The following ZMYM4 variants were observed in gnomAD, a reference collection of about 807,000 sequenced individuals.
ZMYM4 encodes zinc finger MYM-type protein 4.
ZMYM4 carries 31 observed loss-of-function variants against 183.2 expected under a neutral mutation model. That is an observed-to-expected ratio of 0.17 (90% CI 0.13 to 0.23). The LOEUF (loss-of-function observed/expected upper bound fraction) is 0.23, where lower values mean the gene tolerates loss of function less well. Ranked by LOEUF, ZMYM4 falls within the 10% of genes least tolerant of loss-of-function variation. The pLI, the probability that ZMYM4 is intolerant of heterozygous loss-of-function variation, is 1.00. For synonymous variants in ZMYM4, 592 were observed against 631.2 expected (o/e 0.94, Z 0.93); for missense variants, 1,273 against 1,840.3 (o/e 0.69, Z 5.64).
chr1:35,302,975 C>T (rs1464580242), intron 1 of ZMYM4, among the ~76,000 whole-genome samples: 2 of 108,488 alleles, frequency 1.8e-5, no homozygotes, highest in African/African-American at 7.0e-5. Context: ...ACACTGTCTC[C>T]AAAAAAAAAA....
At chr1:35,272,106 C>G (rs932857244) in intron 1 of ZMYM4, among the ~76,000 whole-genome samples, 1 of 152,078 alleles carries the variant, frequency 6.6e-6, no homozygotes, top group Non-Finnish European at 1.5e-5. Flanking sequence ...TGCCAAATTA[C>G]ATGTGGATTC....
chr1:35,325,955 A>G (rs1642484619), intron 2 of ZMYM4, among the ~76,000 whole-genome samples: 1 of 152,168 alleles, frequency 6.6e-6, no homozygotes, highest in Non-Finnish European at 1.5e-5. Flanking sequence ...ATATGTGTGT[A>G]GGAATCATAG....
chr1:35,341,679 C>A (rs1643205824), intron 2 of ZMYM4, among the ~76,000 whole-genome samples: 1 of 151,432 alleles, frequency 6.6e-6, no homozygotes, highest in Non-Finnish European at 1.5e-5. Context: ...TTCTTTTTTC[C>A]AGCTTCTTCA....
chr1:35,397,320 C>T, intron 19 of ZMYM4, 57 bp from the exon 20 acceptor site: 7 of 1,438,394 alleles, frequency 4.9e-6, no homozygotes, highest in Non-Finnish European at 5.5e-6. Flanking sequence ...ACAAATCATA[C>T]TTTTGGCTAC....
intron 5 of ZMYM4, among the ~76,000 whole-genome samples, chr1:35,369,737 CTT>C (rs1054553317): frequency 2.4e-4 from 37 of 151,590 alleles, no homozygotes; most frequent in African/African-American, 8.2e-4. Context: ...TAAACAGTAA[CTT>C]ATAATACTTT....
intron 15 of ZMYM4, among the ~76,000 whole-genome samples, chr1:35,391,933 T>C (rs2148992760): frequency 6.6e-6 from 1 of 152,062 alleles, no homozygotes; most frequent in Admixed American, 6.5e-5. Flanking sequence ...CCCAGCTACT[T>C]GGGAGGCTGA....
chr1:35,361,403 G>A, intron 4 of ZMYM4, 148 bp downstream of exon 4: 5 of 949,326 alleles, frequency 5.3e-6, no homozygotes, highest in Non-Finnish European at 6.1e-6. Context: ...GGTCATCATC[G>A]GAGACATTCT....
chr1:35,397,607 C>G lies in ZMYM4; in HGVS notation c.3199+62C>G, dbSNP rs139432061. The G allele has an allele frequency of 9.7e-6, 14 of 1,437,686 alleles. No individual in the cohort carries two copies. The African/African-American group carries it at 1.6e-4, about 16-fold the overall frequency. 89.1% of individuals were successfully genotyped at this position (1,437,686 alleles called of 1,614,324 possible). A position where few individuals can be genotyped will look rare whatever the true frequency, so the allele number is the denominator to read the frequency against. ...ACGTTTTACACATTTTCAGGTGACT[C>G]AAGTAATTTTAAGTATAAGACAGGG... On this transcript the variant is annotated intron_variant, in intron 20 of 29. Transcript: ENST00000314607.
At chr1:35,283,088 C>G (rs1570244367) in intron 1 of ZMYM4, among the ~76,000 whole-genome samples, 1 of 142,976 alleles carries the variant, frequency 7.0e-6, no homozygotes, top group South Asian at 2.3e-4. Flanking sequence ...AACCTCCACC[C>G]TTCACCTTCT....
At chr1:35,320,136 A>G (rs1234565236) in intron 1 of ZMYM4, among the ~76,000 whole-genome samples, 1 of 152,210 alleles carries the variant, frequency 6.6e-6, no homozygotes, top group African/African-American at 2.4e-5. Context: ...CTCTGAAGTG[A>G]TAAGTGTGGA....
At chr1:35,408,262 G>A in intron 26 of ZMYM4, 103 bp downstream of exon 26, 1 of 1,344,994 alleles carries the variant, frequency 7.4e-7, no homozygotes, top group Non-Finnish European at 1.0e-6. Flanking sequence ...ATATATACTG[G>A]TATTTTCATT....
intron 1 of ZMYM4, among the ~76,000 whole-genome samples, chr1:35,292,973 A>G (rs530541433): frequency 2.6e-5 from 4 of 151,428 alleles, no homozygotes; most frequent in South Asian, 2.1e-4. Context: ...TACTGCTACC[A>G]TAATAGAATT....
At chr1:35,369,657 A>G (rs992129383) in intron 5 of ZMYM4, among the ~76,000 whole-genome samples, 4 of 152,038 alleles carry the variant, frequency 2.6e-5, no homozygotes, top group Non-Finnish European at 5.9e-5. Flanking sequence ...GGGTGATTAA[A>G]ATATGATTAA....
At chr1:35,365,481 C>T (rs1002154791) in intron 5 of ZMYM4, among the ~76,000 whole-genome samples, 1 of 151,666 alleles carries the variant, frequency 6.6e-6, no homozygotes, top group African/African-American at 2.4e-5. Context: ...TGTGTAGTCT[C>T]TCATTGAAAG....
intron 2 of ZMYM4, among the ~76,000 whole-genome samples, chr1:35,353,599 A>G (rs1643708908): frequency 1.3e-5 from 2 of 152,300 alleles, no homozygotes; most frequent in Non-Finnish European, 2.9e-5. Context: ...GAAATCTTCC[A>G]TGAGAAATTT....
chr1:35,399,667 C>A, intron 23 of ZMYM4, 91 bp downstream of exon 23: 4 of 1,358,898 alleles, frequency 2.9e-6, no homozygotes, highest in Non-Finnish European at 3.1e-6. Context: ...CTGTAACAGC[C>A]AGAGTCAGGT....
intron 23 of ZMYM4, chr1:35,400,199 A>ATTTTTT (rs763108230): frequency 9.6e-6 from 1 of 103,816 alleles, no homozygotes; most frequent in Non-Finnish European, 1.7e-5. Flanking sequence ...GTAGTTCACT[A>ATTTTTT]TTTTTTTTTT....
intron 1 of ZMYM4, among the ~76,000 whole-genome samples, chr1:35,270,603 A>G (rs1482195633): frequency 6.6e-6 from 1 of 152,162 alleles, no homozygotes; most frequent in Non-Finnish European, 1.5e-5. Context: ...TACTAAAAAT[A>G]CAAAAAATTA....
At chr1:35,291,265 G>A (rs1185126144) in intron 1 of ZMYM4, among the ~76,000 whole-genome samples, 1 of 152,026 alleles carries the variant, frequency 6.6e-6, no homozygotes, top group Non-Finnish European at 1.5e-5. Context: ...ATTCCCCCCA[G>A]TTTGTGGCTT....
Sources: allele counts gnomAD v4.1 joint callset (sites outside exome capture counted in the v4.1 genomes callset), GRCh38; gene constraint gnomAD v4.1.1; transcripts MANE v1.5; gene names NCBI Gene and HGNC (gene_info 2026-07-23, HGNC 2026-07-21).